The following MIIP variants were observed in gnomAD, a reference collection of about 807,000 sequenced individuals.
MIIP encodes migration and invasion inhibitory protein, also known as migration and invasion-inhibitory protein.
Under a neutral mutation model 44.8 loss-of-function variants are expected in MIIP, and 44 were observed. The ratio of observed to expected loss-of-function variants is 0.98; its 90% confidence interval spans 0.77 to 1.26. The LOEUF (loss-of-function observed/expected upper bound fraction) is 1.26. Ranked by LOEUF, MIIP falls within the 50% of genes most tolerant of loss-of-function variation. The pLI is 0.00. For missense variants in MIIP, 496 were observed against 511.7 expected (o/e 0.97, Z 0.30); for synonymous variants, 225 against 218.3 (o/e 1.03, Z -0.27).
chr1:12,022,108 C>CCAG lies in MIIP; in HGVS notation c.136_138dup (p.Ser46dup). 1 of 1,613,832 alleles carries CCAG rather than the reference C, an allele frequency of 6.2e-7. No individual in the cohort carries two copies. Among genetic ancestry groups the CCAG allele is most frequent in the South Asian group, 1.1e-5 (1 of 91,078 alleles). Reference sequence around the variant, plus strand: ...CCCTCTCTCCAGTCAAGCCTGGAATCCAGCAGCAGCTACAACTCAGAGACT... The same window carrying CCAG: ...CCCTCTCTCCAGTCAAGCCTGGAATCCAGCAGCAGCAGCTACAACTCAGAGACT... On this transcript the variant is annotated inframe_insertion, in exon 3 of 10. Coordinates refer to ENST00000235332, the MANE Select transcript of MIIP (RefSeq NM_021933.4).
At position 12,022,321 on chromosome 1, in the gene MIIP, C is replaced by T. The variant is rs1639998356; in HGVS notation, c.341C>T (p.Ala114Val). The change falls in exon 3 of 10, where the codon GCA becomes GTA. Residue 114 changes from alanine (A) to valine (V), a missense_variant. Ala to Val is a moderately conservative substitution (Grantham distance 64, BLOSUM62 0). Coordinates refer to ENST00000235332, the MANE Select transcript of MIIP (RefSeq NM_021933.4). Reference protein sequence around the residue: ...ESLGRPRPHSAPSLGTSSLRD... With the variant: ...ESLGRPRPHSVPSLGTSSLRD... ...CTGGGCCGACCGAGACCCCACTCAGCACCCTCGCTGGGCACCTCAAGCCTG... is the reference window on the plus strand; with the variant it reads ...CTGGGCCGACCGAGACCCCACTCAGTACCCTCGCTGGGCACCTCAAGCCTG... 1.2e-6 allele frequency: 2 copies of T among 1,613,788 alleles called. No homozygotes were observed. Among genetic ancestry groups the T allele is most frequent in the Admixed American group, 1.7e-5 (1 of 59,996 alleles).
At chr1:12,019,990 G>T (rs564711039) in intron 1 of MIIP, among the ~76,000 whole-genome samples, 2 of 152,378 alleles carry the variant, frequency 1.3e-5, no homozygotes, top group South Asian at 2.1e-4. Flanking sequence ...ATACGTGTGT[G>T]GGGGAGGTTC....
At chr1:12,022,463 A>G in intron 3 of MIIP, 21 bp downstream of exon 3, 2 of 1,488,690 alleles carry the variant, frequency 1.3e-6, no homozygotes, top group Non-Finnish European at 1.8e-6. Context: ...AGAGCGGGAC[A>G]TCTGCTGATG....
chr1:12,025,396 G>A (rs911734145), intron 4 of MIIP, among the ~76,000 whole-genome samples: 3 of 152,082 alleles, frequency 2.0e-5, no homozygotes, highest in Non-Finnish European at 2.9e-5. Context: ...GTGACATTCT[G>A]TTGTGTGTAG....
At chr1:12,021,269 C>T (rs1238219108) in intron 1 of MIIP, among the ~76,000 whole-genome samples, 1 of 151,888 alleles carries the variant, frequency 6.6e-6, no homozygotes, top group Non-Finnish European at 1.5e-5. Context: ...TGGCAGGCGC[C>T]TGTAGTCCCA....
chr1:12,030,007 C>T (rs1306547346), intron 7 of MIIP, 21 bp from the exon 8 acceptor site: 1 of 1,611,644 alleles, frequency 6.2e-7, no homozygotes, highest in Non-Finnish European at 8.5e-7. Context: ...CTCAGGGGTC[C>T]CCCACTGCCC....
Position 12,021,767 on chromosome 1 carries a change from A to G in MIIP, c.41A>G (p.Asn14Ser), listed in dbSNP as rs143131861. 4.9e-5 allele frequency: 79 copies of G among 1,613,076 alleles called. No individual in the cohort carries two copies. Among genetic ancestry groups the G allele is most frequent in the South Asian group, 1.8e-4 (16 of 91,042 alleles). Residue 14 changes from asparagine to serine, a missense_variant, in exon 2 of 10, where the codon AAT becomes AGT. Asn to Ser is a conservative substitution (Grantham distance 46, BLOSUM62 1). Coordinates refer to ENST00000235332, the MANE Select transcript of MIIP (RefSeq NM_021933.4). Reference sequence around the variant, plus strand: ...GAACTGGCACAGCTGCGGCTGCTCAATCTGGAGCTCCTGAGGCAGCTGTGG... The same window carrying G: ...GAACTGGCACAGCTGCGGCTGCTCAGTCTGGAGCTCCTGAGGCAGCTGTGG... ...AEELAQLRLL[N>S]LELLRQLWVG...
chr1:12,027,123 C>G lies in MIIP; in HGVS notation c.548-1910C>G, dbSNP rs1465593315. ...TCCCAGGTTCAAGTGATTCTCCTGT[C>G]TCAGCCACCTAAGTAGCTGGGATTA... is the stretch of plus-strand genomic sequence containing the variant. On this transcript the variant is annotated intron_variant, in intron 4 of 9. Transcript: ENST00000235332. 2.7e-5 allele frequency among the ~76,000 whole-genome samples: 4 copies of G among 150,882 alleles called. No individual in the cohort carries two copies. The East Asian group carries it at 7.8e-4, about 29-fold the overall frequency.
chr1:12,024,484 G>A (rs1480808272), intron 4 of MIIP, among the ~76,000 whole-genome samples: 4 of 152,126 alleles, frequency 2.6e-5, no homozygotes, highest in Admixed American at 2.0e-4. Context: ...CGTGATCTCC[G>A]CTCACTGCAA....
At chr1:12,021,464 T>G (rs955947806) in intron 1 of MIIP, among the ~76,000 whole-genome samples, 181 bp from the exon 2 acceptor site, 1 of 152,190 alleles carries the variant, frequency 6.6e-6, no homozygotes, top group African/African-American at 2.4e-5. Context: ...TAACATGCTT[T>G]CTTTAATTCT....
chr1:12,019,785 C>T (rs541696562), intron 1 of MIIP, among the ~76,000 whole-genome samples: 7 of 152,262 alleles, frequency 4.6e-5, no homozygotes, highest in Non-Finnish European at 8.8e-5. Context: ...CTTTCCAAAG[C>T]GCGGCCGGGG....
chr1:12,020,913 T>G (rs141747232), intron 1 of MIIP, among the ~76,000 whole-genome samples: 1,799 of 152,004 alleles, frequency 0.012, 38 homozygotes, highest in African/African-American at 0.042. Flanking sequence ...CTCAAACTCC[T>G]GACCTCAGGT....
intron 2 of MIIP, 126 bp from the exon 3 acceptor site, chr1:12,021,969 G>A (rs968966725): frequency 3.1e-6 from 4 of 1,272,126 alleles, no homozygotes; most frequent in Admixed American, 2.2e-5. Context: ...GCTGGGGAGG[G>A]AAGAGACTGG....
Position 12,029,786 on chromosome 1 carries a change from A to C in MIIP, c.737A>C (p.Asn246Thr). 1 of 1,613,242 alleles carries C rather than the reference A, an allele frequency of 6.2e-7. No homozygotes were observed. Among genetic ancestry groups the C allele is most frequent in the Non-Finnish European group, 8.5e-7 (1 of 1,179,536 alleles). Residue 246 changes from asparagine (N) to threonine (T), a missense_variant, in exon 7 of 10, where the codon AAC (asparagine) becomes ACC (threonine). By Grantham distance (65) the Asn-to-Thr change is moderately conservative (BLOSUM62 0). Transcript: ENST00000235332. ...GCAGGCGTGTACTGTTACCGTGTCA[A>C]CCGGCGCCTGTTCCCGGTGCCTGTG... Reference protein sequence around the residue: ...DHECVYCYRVNRRLFPVPVDP... With the variant: ...DHECVYCYRVTRRLFPVPVDP...
chr1:12,031,766 G>T lies in MIIP; in HGVS notation c.1125G>T (p.Val375=), dbSNP rs1307846520. 2.5e-6 allele frequency: 4 copies of T among 1,613,892 alleles called. No homozygotes were observed. The highest frequency in any genetic ancestry group is 1.7e-5 in the Admixed American group (1 of 59,984). The change falls in exon 10 of 10, where the codon GTG becomes GTT. Residue 375 remains valine, a synonymous_variant. Transcript: ENST00000235332. ...TGCCCCCGACCCCGACCTGGTCAGT[G>T]CCCCAGGTCCCTCGGCCCCACGTCC... ...QMLPPTPTWS[V]PQVPRPHVPR...
chr1:12,020,013 C>T (rs1639936719), intron 1 of MIIP, among the ~76,000 whole-genome samples: 1 of 152,244 alleles, frequency 6.6e-6, no homozygotes, highest in Non-Finnish European at 1.5e-5. Context: ...GGGTAGTCGG[C>T]TACTCTGTGC....
In MIIP at chr1:12,024,746, G is replaced by A. The variant is rs571269164; in HGVS notation, c.547+1829G>A. Among the ~76,000 whole-genome samples, 12 of 152,048 alleles carry A rather than the reference G, an allele frequency of 7.9e-5. No individual in the cohort carries two copies. In the South Asian group the frequency reaches 1.0e-3, roughly 13 times the overall value. ...TTTTTTAAGTGGACTGTTAAGCGGC[G>A]TCAACTATGTCTACACTGTTGAGCT... On this transcript the variant is annotated intron_variant, in intron 4 of 9. Coordinates refer to ENST00000235332, the MANE Select transcript of MIIP (RefSeq NM_021933.4).
chr1:12,026,966 T>C lies in MIIP; in HGVS notation c.548-2067T>C, dbSNP rs572152018. ...TCTTCAAAAGGGCTGTCTAGCCTCG[T>C]TGCCTTCAATTTCTCTCCACTACTA... On this transcript the variant is annotated intron_variant, in intron 4 of 9. Transcript: ENST00000235332. Among the ~76,000 whole-genome samples, 49 of 152,276 alleles carry C rather than the reference T, an allele frequency of 3.2e-4. 1 individual carries two copies. The highest frequency in any genetic ancestry group is 3.4e-3 in the Middle Eastern group (1 of 292).
chr1:12,022,005 A>C, intron 2 of MIIP, 90 bp from the exon 3 acceptor site: 1 of 1,427,122 alleles, frequency 7.0e-7, no homozygotes, highest in Middle Eastern at 1.8e-4. Context: ...AGGCCGGAGC[A>C]GGATGAGGAT....
Sources: gnomAD v4.1 joint callset for allele counts (sites outside exome capture counted in the v4.1 genomes callset) on GRCh38, gnomAD v4.1.1 for gene constraint, MANE v1.5 for transcripts, NCBI Gene and HGNC (gene_info 2026-07-23, HGNC 2026-07-21) for gene names.